Variants in ARHGAP26 observed in about 807,000 individuals in gnomAD.
ARHGAP26 encodes Rho GTPase activating protein 26.
Under a neutral mutation model 104.8 loss-of-function variants are expected in ARHGAP26, and 38 were observed. The observed-to-expected ratio is 0.36, with a 90% CI of 0.28 to 0.48. The LOEUF is 0.48. Among genes scored for constraint, ARHGAP26 ranks in the 20% least tolerant of loss-of-function variants. The pLI is 0.99. For synonymous variants in ARHGAP26, 341 were observed against 340.0 expected (o/e 1.00, Z -0.03); for missense variants, 704 against 947.9 (o/e 0.74, Z 3.38).
At chr5:143,082,431 T>TA (rs1273938341) in intron 17 of ARHGAP26, among the ~76,000 whole-genome samples, 2 of 152,208 alleles carry the variant, frequency 1.3e-5, no homozygotes, top group Non-Finnish European at 2.9e-5. Flanking sequence ...ATGAGGAACA[T>TA]AAAAAATAAT....
intron 10 of ARHGAP26, chr5:142,919,138 T>C (rs1481692772): frequency 5.0e-6 from 2 of 397,716 alleles, no homozygotes; most frequent in Non-Finnish European, 4.4e-6. Flanking sequence ...GATTACTTGA[T>C]AGAGATAATC....
intron 17 of ARHGAP26, among the ~76,000 whole-genome samples, chr5:143,085,062 A>G (rs912523131): frequency 3.3e-4 from 49 of 147,720 alleles, no homozygotes; most frequent in Non-Finnish European, 5.6e-4. Context: ...AAAAAAAAAA[A>G]AAAAAGAAAC....
chr5:142,990,716 G>A (rs569586385), intron 11 of ARHGAP26, among the ~76,000 whole-genome samples: 4 of 152,148 alleles, frequency 2.6e-5, no homozygotes, highest in Non-Finnish European at 4.4e-5. Context: ...GTTGGGGTTC[G>A]CTGGAGGTCC....
intron 20 of ARHGAP26, among the ~76,000 whole-genome samples, chr5:143,189,795 T>C (rs1805658008): frequency 6.6e-6 from 1 of 152,192 alleles, no homozygotes; most frequent in South Asian, 2.1e-4. Flanking sequence ...TCGCCCACCC[T>C]ACCTTGAAGC....
chr5:143,209,896 T>G (rs1809169704), intron 21 of ARHGAP26, among the ~76,000 whole-genome samples: 1 of 152,108 alleles, frequency 6.6e-6, no homozygotes, highest in African/African-American at 2.4e-5. Flanking sequence ...GGCCGAAACC[T>G]GTACACTGTA....
chr5:143,103,947 A>G (rs114121229), intron 17 of ARHGAP26, among the ~76,000 whole-genome samples: 7,382 of 151,972 alleles, frequency 0.049, 608 homozygotes, highest in African/African-American at 0.17. Context: ...ATAAAAATAT[A>G]TATATATACA....
intron 3 of ARHGAP26, among the ~76,000 whole-genome samples, chr5:142,877,751 G>T (rs1756338553): frequency 6.6e-6 from 1 of 152,178 alleles, no homozygotes; most frequent in Non-Finnish European, 1.5e-5. Context: ...TGATGTCTGG[G>T]ACTAAGTCCA....
At chr5:142,876,617 ATT>A (rs796121233) in intron 3 of ARHGAP26, among the ~76,000 whole-genome samples, 1 of 146,860 alleles carries the variant, frequency 6.8e-6, no homozygotes. Flanking sequence ...ATCTCAACAA[ATT>A]TTTTTTTTTA....
intron 11 of ARHGAP26, among the ~76,000 whole-genome samples, chr5:143,008,248 G>T (rs1032756635): frequency 6.6e-6 from 1 of 152,206 alleles, no homozygotes; most frequent in Non-Finnish European, 1.5e-5. Flanking sequence ...CAAGACTGAG[G>T]TCTAGGGATG....
intron 1 of ARHGAP26, among the ~76,000 whole-genome samples, chr5:142,817,740 G>A (rs968342259): frequency 1.1e-4 from 17 of 152,144 alleles, no homozygotes; most frequent in African/African-American, 4.1e-4. Flanking sequence ...CATTACATCT[G>A]TGCTCGCCAA....
At chr5:142,946,022 G>A (rs1767050569) in intron 11 of ARHGAP26, among the ~76,000 whole-genome samples, 1 of 152,172 alleles carries the variant, frequency 6.6e-6, no homozygotes, top group African/African-American at 2.4e-5. Flanking sequence ...CATCAGGAGA[G>A]CATCCTATCT....
intron 9 of ARHGAP26, among the ~76,000 whole-genome samples, chr5:142,910,612 G>A (rs1030085008): frequency 6.6e-6 from 1 of 152,200 alleles, no homozygotes; most frequent in African/African-American, 2.4e-5. Flanking sequence ...AGTGGCGCAT[G>A]CCTGTAATCC....
intron 11 of ARHGAP26, among the ~76,000 whole-genome samples, chr5:142,956,301 C>T (rs1377332433): frequency 6.6e-6 from 1 of 152,130 alleles, no homozygotes; most frequent in Non-Finnish European, 1.5e-5. Context: ...GCATGCCAGG[C>T]ACAGTGGCTC....
intron 11 of ARHGAP26, among the ~76,000 whole-genome samples, chr5:143,000,091 TAGA>T (rs1227144317): frequency 6.6e-6 from 1 of 152,186 alleles, no homozygotes; most frequent in Non-Finnish European, 1.5e-5. Flanking sequence ...CAGCTAAAAG[TAGA>T]AGATTGACAA....
intron 20 of ARHGAP26, among the ~76,000 whole-genome samples, chr5:143,157,196 AGACAGAGTCTCACTCTG>A (rs1800586051): frequency 7.0e-6 from 1 of 143,400 alleles, no homozygotes; most frequent in Non-Finnish European, 1.5e-5. Flanking sequence ...TTTTTTCTCG[AGACAGAGTCTCACTCTG>A]TCATCCAGGC....
rs563864222 is a variant in ARHGAP26 at position 142,820,891 on chromosome 5, A to G, written c.154+49976A>G. Among the ~76,000 whole-genome samples the G allele has an allele frequency of 2.6e-5, 4 of 152,330 alleles. No individual in the cohort carries two copies. The East Asian group carries it at 7.7e-4, about 29-fold the overall frequency. On this transcript the variant is annotated intron_variant, in intron 1 of 22. Transcript: ENST00000645722. ...CATAGACAAGGAAACTCAGACTTCA[A>G]GGGTAACTAGGTAGGACAGCCAAGA...
chr5:142,971,039 G>A (rs1378800813), intron 11 of ARHGAP26, among the ~76,000 whole-genome samples: 1 of 152,094 alleles, frequency 6.6e-6, no homozygotes, highest in Non-Finnish European at 1.5e-5. Context: ...TTTTTTAGGT[G>A]GCATTGGAGG....
chr5:143,019,292 A>C (rs3776362), intron 12 of ARHGAP26, among the ~76,000 whole-genome samples: 19,039 of 152,066 alleles, frequency 0.13, 1,454 homozygotes, highest in South Asian at 0.24. Flanking sequence ...GGAAGTGGTC[A>C]CTGCCAGTGT....
chr5:143,105,045 G>A (rs1181328130), intron 17 of ARHGAP26, among the ~76,000 whole-genome samples: 1 of 152,034 alleles, frequency 6.6e-6, no homozygotes, highest in Non-Finnish European at 1.5e-5. Flanking sequence ...CCTAACGATA[G>A]CACTGAAAGA....
Sources: gnomAD v4.1 joint callset for allele counts (sites outside exome capture counted in the v4.1 genomes callset) on GRCh38, gnomAD v4.1.1 for gene constraint, MANE v1.5 for transcripts, NCBI Gene and HGNC (gene_info 2026-07-23, HGNC 2026-07-21) for gene names.